MAGI1: variants seen among roughly 807,000 people sequenced by gnomAD.
The protein encoded by MAGI1 is membrane associated guanylate kinase, WW and PDZ domain containing 1, also known as membrane-associated guanylate kinase, WW and PDZ domain-containing protein 1.
Under a neutral mutation model 139.9 loss-of-function variants are expected in MAGI1, and 58 were observed. The observed-to-expected ratio is 0.41, with a 90% CI of 0.34 to 0.52. The LOEUF is 0.52. Among genes scored for constraint, MAGI1 ranks in the 20% least tolerant of loss-of-function variants. The pLI, the probability that MAGI1 is intolerant of heterozygous loss-of-function variation, is 0.12. For missense variants in MAGI1, 1,874 were observed against 1,901.6 expected (o/e 0.99, Z 0.27); for synonymous variants, 812 against 737.9 (o/e 1.10, Z -1.63).
intron 1 of MAGI1, among the ~76,000 whole-genome samples, chr3:65,680,782 T>TGATAG (rs2087534422): frequency 5.1e-5 from 7 of 136,204 alleles, no homozygotes; most frequent in African/African-American, 2.6e-4. Flanking sequence ...TGATATGATA[T>TGATAG]GATATGATAT....
chr3:65,801,009 TC>T (rs2040479187), intron 1 of MAGI1, among the ~76,000 whole-genome samples: 1 of 152,202 alleles, frequency 6.6e-6, no homozygotes, highest in Non-Finnish European at 1.5e-5. Flanking sequence ...CCCTGGAAGT[TC>T]CTACTTAGTT....
chr3:65,543,024 G>C (rs2079315377), intron 2 of MAGI1, among the ~76,000 whole-genome samples: 1 of 151,156 alleles, frequency 6.6e-6, no homozygotes, highest in Non-Finnish European at 1.5e-5. Flanking sequence ...CTAATATCCA[G>C]AATCTACAAG....
chr3:65,658,539 C>T (rs17073299), intron 1 of MAGI1, among the ~76,000 whole-genome samples: 5 of 152,218 alleles, frequency 3.3e-5, no homozygotes, highest in South Asian at 2.1e-4. Context: ...AATGTTAATA[C>T]GCATCTCAAT....
At chr3:65,726,539 C>A (rs1472610700) in intron 1 of MAGI1, among the ~76,000 whole-genome samples, 1 of 152,174 alleles carries the variant, frequency 6.6e-6, no homozygotes, top group African/African-American at 2.4e-5. Flanking sequence ...CTGCAGCATT[C>A]ACGAAGCCCA....
rs748066522 is a variant in MAGI1 at position 65,562,894 on chromosome 3, T to C, written c.430+59078A>G. On this transcript the variant is annotated intron_variant, in intron 2 of 22. Coordinates refer to ENST00000402939, the MANE Select transcript of MAGI1 (RefSeq NM_001033057.2). ...TCATTCTTGCATCCATCTTTTAAAG[T>C]AGATTAACTTTTTTTGAACCTAGGT... Among the ~76,000 whole-genome samples the C allele has an allele frequency of 1.7e-4, 26 of 152,320 alleles. 1 individual carries two copies. Among genetic ancestry groups the C allele is most frequent in the Non-Finnish European group, 2.6e-4 (18 of 68,030 alleles).
chr3:66,013,468 GA>G (rs1487276422), intron 1 of MAGI1, among the ~76,000 whole-genome samples: 8 of 136,432 alleles, frequency 5.9e-5, no homozygotes, highest in African/African-American at 2.2e-4. Flanking sequence ...CCAAATTAAA[GA>G]AAAAGATAGA....
chr3:65,538,260 A>G (rs2079050373), intron 2 of MAGI1, among the ~76,000 whole-genome samples: 1 of 152,250 alleles, frequency 6.6e-6, no homozygotes, highest in African/African-American at 2.4e-5. Flanking sequence ...ATTGGGAACC[A>G]GAAAAACAAT....
At chr3:66,026,104 G>A (rs1391900695) in intron 1 of MAGI1, among the ~76,000 whole-genome samples, 1 of 151,788 alleles carries the variant, frequency 6.6e-6, no homozygotes, top group Non-Finnish European at 1.5e-5. Flanking sequence ...ACTTAAACAG[G>A]CTGATAGATG....
chr3:65,940,173 C>A (rs892543795), intron 1 of MAGI1, among the ~76,000 whole-genome samples: 7 of 152,134 alleles, frequency 4.6e-5, no homozygotes, highest in African/African-American at 1.7e-4. Context: ...AACCCTCCTA[C>A]CTCTTATTCC....
chr3:65,545,379 G>T (rs2079445600), intron 2 of MAGI1, among the ~76,000 whole-genome samples: 1 of 152,100 alleles, frequency 6.6e-6, no homozygotes, highest in African/African-American at 2.4e-5. Flanking sequence ...TTTTAAAAAT[G>T]TATATACATG....
At chr3:66,023,087 T>C (rs1479594466) in intron 1 of MAGI1, among the ~76,000 whole-genome samples, 1 of 152,188 alleles carries the variant, frequency 6.6e-6, no homozygotes, top group Non-Finnish European at 1.5e-5. Flanking sequence ...GTGACCACAA[T>C]GAAGGAAGTG....
chr3:65,557,821 G>C (rs2080157648), intron 2 of MAGI1, among the ~76,000 whole-genome samples: 1 of 152,140 alleles, frequency 6.6e-6, no homozygotes, highest in South Asian at 2.1e-4. Context: ...TTCAATCACT[G>C]AATTGCTCTG....
chr3:65,637,907 C>T (rs1173224429), intron 1 of MAGI1, among the ~76,000 whole-genome samples: 1 of 152,144 alleles, frequency 6.6e-6, no homozygotes, highest in Non-Finnish European at 1.5e-5. Context: ...TCCCCACCCC[C>T]CAAACCATGA....
chr3:65,695,194 C>A (rs140630671), intron 1 of MAGI1, among the ~76,000 whole-genome samples: 1 of 152,128 alleles, frequency 6.6e-6, no homozygotes, highest in Non-Finnish European at 1.5e-5. Context: ...TCAGAGAGAA[C>A]TGAATTCAAG....
intron 1 of MAGI1, among the ~76,000 whole-genome samples, chr3:65,893,207 C>T (rs2060835318): frequency 6.6e-6 from 1 of 151,978 alleles, no homozygotes; most frequent in Non-Finnish European, 1.5e-5. Flanking sequence ...TACTGATGTC[C>T]TCTAATTGGA....
chr3:65,947,323 T>C (rs2063586142), intron 1 of MAGI1, among the ~76,000 whole-genome samples: 2 of 152,168 alleles, frequency 1.3e-5, no homozygotes, highest in Admixed American at 6.5e-5. Flanking sequence ...GAATTTGTAA[T>C]ACCCCAAACA....
intron 1 of MAGI1, among the ~76,000 whole-genome samples, chr3:66,017,644 T>A (rs775121983): frequency 6.6e-6 from 1 of 152,130 alleles, no homozygotes; most frequent in Non-Finnish European, 1.5e-5. Context: ...GTACACACAC[T>A]TCACAGCACG....
intron 8 of MAGI1, among the ~76,000 whole-genome samples, chr3:65,440,893 T>TAC (rs1948267787): frequency 7.8e-6 from 1 of 127,778 alleles, no homozygotes; most frequent in African/African-American, 3.4e-5. Context: ...ATATATATGG[T>TAC]ACATATGTGT....
At chr3:65,769,358 G>C (rs1343129564) in intron 1 of MAGI1, among the ~76,000 whole-genome samples, 1 of 152,130 alleles carries the variant, frequency 6.6e-6, no homozygotes, top group Non-Finnish European at 1.5e-5. Context: ...GCATGATGTT[G>C]TGTACCTGTA....
Sources: allele counts gnomAD v4.1 joint callset (sites outside exome capture counted in the v4.1 genomes callset), GRCh38; gene constraint gnomAD v4.1.1; transcripts MANE v1.5; gene names NCBI Gene and HGNC (gene_info 2026-07-23, HGNC 2026-07-21).